CSNK2A2IP: variants seen among roughly 807,000 people sequenced by gnomAD.
CSNK2A2IP encodes casein kinase 2 subunit alpha' interacting protein.
At chr3:88,443,130 T>C in the CSNK2A2IP span, among the ~76,000 whole-genome samples, 4 of 152,136 alleles carry the variant, frequency 2.6e-5, no homozygotes, top group Non-Finnish European at 5.9e-5. Flanking sequence ...ATTTAATGAT[T>C]TTAATGCTTT....
the CSNK2A2IP span, among the ~76,000 whole-genome samples, chr3:88,339,515 A>T: frequency 6.6e-6 from 1 of 152,028 alleles, no homozygotes; most frequent in African/African-American, 2.4e-5. Flanking sequence ...GGGAGTGCAG[A>T]TACCTCTTTG....
At chr3:88,460,171 G>T in the CSNK2A2IP span, among the ~76,000 whole-genome samples, 1 of 151,850 alleles carries the variant, frequency 6.6e-6, no homozygotes, top group African/African-American at 2.4e-5. Context: ...TTCTTTCATG[G>T]TGGTATTTTT....
the CSNK2A2IP span, among the ~76,000 whole-genome samples, chr3:88,377,442 A>G: frequency 5.3e-5 from 8 of 151,432 alleles, no homozygotes; most frequent in African/African-American, 1.7e-4. Flanking sequence ...CAGTACTGCT[A>G]TGTTCAGACA....
the CSNK2A2IP span, among the ~76,000 whole-genome samples, chr3:88,359,628 T>C: frequency 6.6e-6 from 1 of 152,190 alleles, no homozygotes; most frequent in South Asian, 2.1e-4. Context: ...GACCCAATGG[T>C]CATTCAGAAG....
chr3:88,408,633 C>T, the CSNK2A2IP span, among the ~76,000 whole-genome samples: 945 of 152,010 alleles, frequency 6.2e-3, 15 homozygotes, highest in African/African-American at 0.022. Flanking sequence ...ATTAACTGTC[C>T]CATATAGCGT....
At chr3:88,428,389 G>A in the CSNK2A2IP span, among the ~76,000 whole-genome samples, 1 of 152,040 alleles carries the variant, frequency 6.6e-6, no homozygotes. Flanking sequence ...GGACTTTGGG[G>A]AACTGTTAAA....
At chr3:88,462,431 G>T in the CSNK2A2IP span, among the ~76,000 whole-genome samples, 18 of 152,266 alleles carry the variant, frequency 1.2e-4, no homozygotes, top group African/African-American at 4.3e-4. Flanking sequence ...GCAAAGCAAG[G>T]AAAATATGTG....
At chr3:88,399,458 C>A in the CSNK2A2IP span, among the ~76,000 whole-genome samples, 1 of 152,186 alleles carries the variant, frequency 6.6e-6, no homozygotes, top group Non-Finnish European at 1.5e-5. Flanking sequence ...AGGTCAGACT[C>A]AAAAATACAG....
chr3:88,449,612 G>A, the CSNK2A2IP span, among the ~76,000 whole-genome samples: 1 of 150,426 alleles, frequency 6.6e-6, no homozygotes, highest in African/African-American at 2.5e-5. Context: ...TTTGGATTGT[G>A]GTGCATGCTA....
the CSNK2A2IP span, among the ~76,000 whole-genome samples, chr3:88,364,569 T>G: frequency 5.9e-5 from 9 of 152,202 alleles, no homozygotes; most frequent in African/African-American, 2.2e-4. Flanking sequence ...TATAGGATGT[T>G]GGAAGAGTGG....
the CSNK2A2IP span, among the ~76,000 whole-genome samples, chr3:88,389,049 G>C: frequency 6.6e-6 from 1 of 151,914 alleles, no homozygotes; most frequent in Non-Finnish European, 1.5e-5. Flanking sequence ...GCCCTCATTT[G>C]CTTATATTTT....
chr3:88,454,649 T>C, the CSNK2A2IP span, among the ~76,000 whole-genome samples: 29 of 152,058 alleles, frequency 1.9e-4, no homozygotes, highest in East Asian at 5.4e-3. Context: ...TTTTCCAGTT[T>C]TATTGATGTA....
chr3:88,358,528 T>A, the CSNK2A2IP span, among the ~76,000 whole-genome samples: 2 of 49,230 alleles, frequency 4.1e-5, no homozygotes, highest in Non-Finnish European at 7.4e-5. Flanking sequence ...TTGTGAGCTG[T>A]TTTTTTTTTA....
At chr3:88,392,224 T>C in the CSNK2A2IP span, among the ~76,000 whole-genome samples, 41 of 152,272 alleles carry the variant, frequency 2.7e-4, 1 homozygote, top group South Asian at 8.3e-3. Flanking sequence ...ATAATACATA[T>C]TGTTTCCAAC....
At chr3:88,442,837 T>C in the CSNK2A2IP span, among the ~76,000 whole-genome samples, 3 of 151,986 alleles carry the variant, frequency 2.0e-5, no homozygotes, top group East Asian at 1.9e-4. Flanking sequence ...TGAGTTCTTA[T>C]AGAATTTTGT....
chr3:88,384,851 G>T, the CSNK2A2IP span, among the ~76,000 whole-genome samples: 1 of 152,134 alleles, frequency 6.6e-6, no homozygotes, highest in Admixed American at 6.5e-5. Flanking sequence ...CAGCACAATA[G>T]ACTGGTTGAA....
chr3:88,425,158 A>G, the CSNK2A2IP span, among the ~76,000 whole-genome samples: 1 of 152,076 alleles, frequency 6.6e-6, no homozygotes, highest in Admixed American at 6.5e-5. Context: ...TAACACAATC[A>G]TAATCAGAAA....
chr3:88,442,883 A>C, the CSNK2A2IP span, among the ~76,000 whole-genome samples: 3 of 152,108 alleles, frequency 2.0e-5, no homozygotes, highest in East Asian at 5.8e-4. Flanking sequence ...GGCTATAATA[A>C]AAAATTATTT....
At chr3:88,386,658 G>A in the CSNK2A2IP span, among the ~76,000 whole-genome samples, 1 of 152,162 alleles carries the variant, frequency 6.6e-6, no homozygotes. Context: ...GGGGTTAATC[G>A]TACGCATGTT....
Sources: allele counts gnomAD v4.1 joint callset (sites outside exome capture counted in the v4.1 genomes callset), GRCh38; gene constraint gnomAD v4.1.1; transcripts MANE v1.5; gene names NCBI Gene and HGNC (gene_info 2026-07-23, HGNC 2026-07-21).